UBA6: variants seen among roughly 807,000 people sequenced by gnomAD.
The protein encoded by UBA6 is ubiquitin like modifier activating enzyme 6, also known as ubiquitin-like modifier-activating enzyme 6.
In UBA6, 87 loss-of-function variants were observed where a neutral mutation model predicts 148.3. The ratio of observed to expected loss-of-function variants is 0.59; its 90% CI spans 0.49 to 0.70. The LOEUF (loss-of-function observed/expected upper bound fraction) is 0.70. Among genes scored for constraint, UBA6 ranks in the 30% least tolerant of loss-of-function variants. UBA6 has a pLI of 0.00. For synonymous variants in UBA6, 376 were observed against 401.0 expected (o/e 0.94, Z 0.75); for missense variants, 1,186 against 1,241.2 (o/e 0.96, Z 0.67).
Position 67,701,139 on chromosome 4 carries a change from G to T in UBA6, c.-20C>A, listed in dbSNP as rs576133516. On this transcript the variant is annotated 5_prime_UTR_variant, in exon 1 of 33. Transcript: ENST00000322244. ...TTCCATTGCCGCCTGAGACACCGCC[G>T]CCGGCTACTGGAAGGTAGGAAGGGG... 3.1e-6 allele frequency: 5 copies of T among 1,610,434 alleles called. No homozygotes were observed. In the South Asian group the frequency reaches 3.3e-5, roughly 11 times the overall value.
intron 27 of UBA6, among the ~76,000 whole-genome samples, chr4:67,628,276 A>C (rs1351529747): frequency 6.6e-6 from 1 of 151,758 alleles, no homozygotes; most frequent in Non-Finnish European, 1.5e-5. Flanking sequence ...ATTTCAACTA[A>C]GAAAATATTC....
intron 19 of UBA6, among the ~76,000 whole-genome samples, chr4:67,635,937 C>T (rs1020892094): frequency 6.6e-6 from 1 of 152,154 alleles, no homozygotes; most frequent in Non-Finnish European, 1.5e-5. Context: ...TCAACACTTA[C>T]AATACCTATA....
chr4:67,625,272 T>C lies in UBA6; in HGVS notation c.2519-85A>G, dbSNP rs1728840228. ...AAAAAGCAATGTGAATTTACTAACT[T>C]TCAAAGATTCCTTTTTATATTTTTT... On this transcript the variant is annotated intron_variant, in intron 28 of 32. Transcript: ENST00000322244. The C allele has an allele frequency of 9.9e-6, 10 of 1,012,428 alleles. 1 individual carries two copies. In the South Asian group the frequency reaches 2.5e-4, roughly 25 times the overall value. 62.7% of individuals were successfully genotyped at this position (1,012,428 alleles called of 1,614,324 possible). A position where few individuals can be genotyped will look rare whatever the true frequency, so the allele number is the denominator to read the frequency against.
chr4:67,623,963 A>G (rs1373009813), intron 30 of UBA6, among the ~76,000 whole-genome samples, 163 bp downstream of exon 30: 2 of 152,120 alleles, frequency 1.3e-5, no homozygotes, highest in African/African-American at 4.8e-5. Flanking sequence ...TTAGTCAGAA[A>G]TATTTAATGA....
At chr4:67,632,930 T>G (rs373614436) in intron 23 of UBA6, among the ~76,000 whole-genome samples, 1 of 152,186 alleles carries the variant, frequency 6.6e-6, no homozygotes, top group East Asian at 1.9e-4. Flanking sequence ...TATATTTAAC[T>G]GGAGGTAAGA....
At chr4:67,655,530 A>G (rs900000273) in intron 13 of UBA6, among the ~76,000 whole-genome samples, 4 of 152,250 alleles carry the variant, frequency 2.6e-5, no homozygotes, top group Non-Finnish European at 5.9e-5. Context: ...TCTGAGACAC[A>G]TTCAAAGCAG....
intron 4 of UBA6, among the ~76,000 whole-genome samples, chr4:67,679,459 C>T (rs1413579459): frequency 6.6e-6 from 1 of 152,042 alleles, no homozygotes; most frequent in Non-Finnish European, 1.5e-5. Context: ...ATGGACTAAA[C>T]TGTTTATGGA....
chr4:67,669,754 A>G lies in UBA6; in HGVS notation c.669+716T>C, dbSNP rs904036363. Among the ~76,000 whole-genome samples the G allele has an allele frequency of 4.6e-5, 7 of 152,192 alleles. No individual in the cohort carries two copies. The East Asian group carries it at 1.2e-3, about 25-fold the overall frequency. ...AACAAATTAGAAATGCTTTTCTCTAATATGATTTAAGTGTGCCTTTTTAGA... is the reference window on the plus strand; with the variant it reads ...AACAAATTAGAAATGCTTTTCTCTAGTATGATTTAAGTGTGCCTTTTTAGA... On this transcript the variant is annotated intron_variant, in intron 8 of 32. Coordinates refer to ENST00000322244, the MANE Select transcript of UBA6 (RefSeq NM_018227.6).
chr4:67,661,236 A>G (rs1262913515), intron 13 of UBA6, among the ~76,000 whole-genome samples: 1 of 152,172 alleles, frequency 6.6e-6, no homozygotes, highest in East Asian at 1.9e-4. Context: ...ACGTGAGTAC[A>G]TGAGATTCAG....
At chr4:67,662,379 C>A in intron 12 of UBA6, 124 bp from the exon 13 acceptor site, 3 of 696,590 alleles carry the variant, frequency 4.3e-6, no homozygotes, top group South Asian at 2.2e-5. Context: ...ACAGGTAGCA[C>A]AAAATGTTGT....
chr4:67,692,639 T>C (rs963585271), intron 2 of UBA6, among the ~76,000 whole-genome samples: 15 of 152,174 alleles, frequency 9.9e-5, no homozygotes, highest in Non-Finnish European at 1.6e-4. Flanking sequence ...TCTTTTGCTA[T>C]TGGACAATAC....
At chr4:67,638,877 G>T in intron 19 of UBA6, 66 bp downstream of exon 19, 1 of 1,217,994 alleles carries the variant, frequency 8.2e-7, no homozygotes, top group South Asian at 1.5e-5. Flanking sequence ...TTTTCAATAA[G>T]TAATGTGGGA....
At chr4:67,651,829 A>G (rs113539471) in intron 13 of UBA6, among the ~76,000 whole-genome samples, 2,459 of 152,304 alleles carry the variant, frequency 0.016, 32 homozygotes, top group Admixed American at 0.025. Context: ...ATGACATTTC[A>G]ATAAAGAATA....
chr4:67,615,345 G>C lies in UBA6; in HGVS notation c.*3652C>G, dbSNP rs972548434. ...CAGTTCCTCCTTTGCCTTCTGCCAT[G>C]ATTGCAGGGATGCTGGTGCAATGTT... is the stretch of plus-strand genomic sequence containing the variant. On this transcript the variant is annotated 3_prime_UTR_variant, in exon 33 of 33. Coordinates refer to ENST00000322244, the MANE Select transcript of UBA6 (RefSeq NM_018227.6). 2 of 152,214 alleles carry C rather than the reference G, an allele frequency of 1.3e-5. No individual in the cohort carries two copies. The highest frequency in any genetic ancestry group is 4.8e-5 in the African/African-American group (2 of 41,426). The allele number at this position is 152,214 out of a possible 1,614,324, so 9.4% of individuals were successfully genotyped here. A position where few individuals can be genotyped will look rare whatever the true frequency, so the allele number is the denominator to read the frequency against.
At chr4:67,679,427 A>G (rs923646344) in intron 4 of UBA6, among the ~76,000 whole-genome samples, 3 of 152,160 alleles carry the variant, frequency 2.0e-5, no homozygotes, top group Non-Finnish European at 2.9e-5. Flanking sequence ...CAATCTCTAA[A>G]AATCCAAAGC....
rs1730120677 is a variant in UBA6, at chr4:67,670,563, C to G, written c.576G>C (p.Trp192Cys). 12 of 1,611,674 alleles carry G rather than the reference C, an allele frequency of 7.4e-6. No individual in the cohort carries two copies. Among genetic ancestry groups the G allele is most frequent in the Non-Finnish European group, 8.5e-6 (10 of 1,178,088 alleles). Reference sequence around the variant, plus strand: ...CACCGAAATCACAAAATAACCTTGACCAAATTCCATGTACATCTGCACTGA... The same window carrying G: ...CACCGAAATCACAAAATAACCTTGAGCAAATTCCATGTACATCTGCACTGA... Reference protein sequence around the residue: ...KFISADVHGIWSRLFCDFGDE... With the variant: ...KFISADVHGICSRLFCDFGDE... Residue 192 changes from tryptophan to cysteine, a missense_variant, in exon 8 of 33, where the codon TGG becomes TGC. Coordinates refer to ENST00000322244, the MANE Select transcript of UBA6 (RefSeq NM_018227.6).
At chr4:67,621,435 A>G (rs1159987397) in intron 32 of UBA6, among the ~76,000 whole-genome samples, 1 of 152,244 alleles carries the variant, frequency 6.6e-6, no homozygotes, top group Admixed American at 6.5e-5. Context: ...TGCTTGAGAT[A>G]CAACAGTGAC....
chr4:67,698,723 G>T (rs1577847990), intron 1 of UBA6, among the ~76,000 whole-genome samples: 1 of 152,200 alleles, frequency 6.6e-6, no homozygotes. Flanking sequence ...ACTTTGGGAG[G>T]CCAAGGCAGG....
Position 67,670,465 on chromosome 4 carries a change from C to T in UBA6, c.669+5G>A. The stretch of plus-strand genomic sequence containing the variant: ...TATTTTAAAAGTTCATTAATATAAT[C>T]ATACTTGCGTTATGTTTGAAATGAA... On this transcript the variant is annotated splice_donor_5th_base_variant and intron_variant, in intron 8 of 32. Coordinates refer to ENST00000322244, the MANE Select transcript of UBA6 (RefSeq NM_018227.6). 6.4e-7 allele frequency: 1 copy of T among 1,561,322 alleles called. No individual in the cohort carries two copies. The highest frequency in any genetic ancestry group is 2.2e-5 in the East Asian group (1 of 44,480).
Sources: gnomAD v4.1 joint callset for allele counts (sites outside exome capture counted in the v4.1 genomes callset) on GRCh38, gnomAD v4.1.1 for gene constraint, MANE v1.5 for transcripts, NCBI Gene and HGNC (gene_info 2026-07-23, HGNC 2026-07-21) for gene names.